The following BMPER variants were observed in gnomAD, a reference collection of about 807,000 sequenced individuals.
The protein encoded by BMPER is BMP-binding endothelial regulator protein.
BMPER carries 45 observed loss-of-function variants against 87.3 expected under a neutral mutation model. The ratio of observed to expected loss-of-function variants is 0.52; its 90% confidence interval spans 0.41 to 0.66. BMPER has a LOEUF of 0.66. BMPER is among the 30% of genes least tolerant of loss of function. The pLI, the probability that BMPER is intolerant of heterozygous loss-of-function variation, is 0.00. For synonymous variants in BMPER, 326 were observed against 316.2 expected, an observed-to-expected ratio of 1.03 and a Z score of -0.33; for missense variants, 784 against 867.5, an observed-to-expected ratio of 0.90 and a Z score of 1.21.
intron 14 of BMPER, among the ~76,000 whole-genome samples, chr7:34,146,037 A>G (rs1791007969): frequency 6.6e-6 from 1 of 152,094 alleles, no homozygotes; most frequent in Non-Finnish European, 1.5e-5. Context: ...TCTCTCTCAC[A>G]TATACACACA....
intron 6 of BMPER, among the ~76,000 whole-genome samples, chr7:33,985,397 CA>C (rs1461980339): frequency 1.3e-5 from 2 of 152,110 alleles, no homozygotes; most frequent in Non-Finnish European, 2.9e-5. Context: ...ACCATAATTT[CA>C]TCATTTTCAG....
At chr7:33,993,807 G>A (rs1434752371) in intron 6 of BMPER, among the ~76,000 whole-genome samples, 2 of 152,180 alleles carry the variant, frequency 1.3e-5, no homozygotes, top group East Asian at 1.9e-4. Context: ...TGGTATGGAT[G>A]TCCTTTCTGT....
At chr7:34,129,573 GGAAGGA>G (rs1290124281) in intron 13 of BMPER, among the ~76,000 whole-genome samples, 1 of 63,984 alleles carries the variant, frequency 1.6e-5, no homozygotes, top group Non-Finnish European at 2.8e-5. Context: ...AAGGAAGGAA[GGAAGGA>G]GAGAGAGAGA....
chr7:34,042,468 A>G (rs1005252104), intron 6 of BMPER, among the ~76,000 whole-genome samples: 1 of 152,232 alleles, frequency 6.6e-6, no homozygotes, highest in Non-Finnish European at 1.5e-5. Flanking sequence ...AACTGTGCTT[A>G]TAGGCATCCT....
chr7:34,054,100 CT>C (rs2127961403), intron 8 of BMPER, among the ~76,000 whole-genome samples: 1 of 152,310 alleles, frequency 6.6e-6, no homozygotes, highest in South Asian at 2.1e-4. Context: ...TTTGCTAGTT[CT>C]GTTTACCACA....
Position 33,907,894 on chromosome 7 carries a change from A to T in BMPER, c.219+991A>T, listed in dbSNP as rs947160114. Among the ~76,000 whole-genome samples the T allele has an allele frequency of 1.6e-4, 25 of 152,324 alleles. No individual in the cohort carries two copies. The East Asian group carries it at 4.8e-3, about 29-fold the overall frequency. ...AGCTATCTGAGTTTATACTACATAA[A>T]TTTTTTCATGACAAGAGTTGAGGTC... is the stretch of plus-strand genomic sequence containing the variant. On this transcript the variant is annotated intron_variant, in intron 2 of 14. Coordinates refer to ENST00000649409, the MANE Select transcript of BMPER (RefSeq NM_001365308.1).
At chr7:34,078,715 A>G in intron 11 of BMPER, 142 bp from the exon 12 acceptor site, 1 of 854,550 alleles carries the variant, frequency 1.2e-6, no homozygotes, top group Non-Finnish European at 1.9e-6. Context: ...CGAACCTTTA[A>G]AAACGACCAC....
chr7:34,153,597 T>A lies in BMPER; in HGVS notation c.*324T>A, dbSNP rs1791240561. Reference sequence around the variant, plus strand: ...GCAGATACATTGGATAGTGTTAACATCACATACATTTGTCATTTTTAAGGA... The same window carrying A: ...GCAGATACATTGGATAGTGTTAACAACACATACATTTGTCATTTTTAAGGA... On this transcript the variant is annotated 3_prime_UTR_variant, in exon 15 of 15. Transcript: ENST00000649409. 1 of 227,840 alleles carries A rather than the reference T, an allele frequency of 4.4e-6. No individual in the cohort carries two copies. Among genetic ancestry groups the A allele is most frequent in the African/African-American group, 2.3e-5 (1 of 43,796 alleles). 14.1% of individuals were successfully genotyped at this position (227,840 alleles called of 1,614,324 possible).
chr7:34,074,505 T>C lies in BMPER; in HGVS notation c.1079-4352T>C, dbSNP rs974879187. Among the ~76,000 whole-genome samples, 11 of 152,220 alleles carry C rather than the reference T, an allele frequency of 7.2e-5. No homozygotes were observed. The East Asian group carries it at 2.1e-3, about 29-fold the overall frequency. ...GCCTTTCCTGATTCTTCACTCAAGC[T>C]TGGCATCATCACGACGCTTACCTTT... On this transcript the variant is annotated intron_variant, in intron 11 of 14. Coordinates refer to ENST00000649409, the MANE Select transcript of BMPER (RefSeq NM_001365308.1).
intron 2 of BMPER, among the ~76,000 whole-genome samples, chr7:33,919,849 G>A (rs1784171166): frequency 6.6e-6 from 1 of 152,118 alleles, no homozygotes. Flanking sequence ...CTCTTGTTTG[G>A]AATATTCGAT....
intron 12 of BMPER, 126 bp downstream of exon 12, chr7:34,079,312 G>A: frequency 8.0e-7 from 1 of 1,248,766 alleles, no homozygotes; most frequent in South Asian, 1.4e-5. Flanking sequence ...GGCAGAGCCA[G>A]GTTCCAACTG....
chr7:34,129,610 A>AGAGAGAGAGAGAG (rs1790507400), intron 13 of BMPER, among the ~76,000 whole-genome samples: 9 of 69,654 alleles, frequency 1.3e-4, no homozygotes, highest in Middle Eastern at 7.4e-3. Context: ...GAGAGAGAGA[A>AGAGAGAGAGAGAG]AGAGAGAGAG....
rs567420593 is a variant in BMPER, at chr7:34,005,454, T to C, written c.576+30670T>C. ...TGTTGACTTTTTACATTTTTTTTAA[T>C]TTTTATTTTTAGAGATGATGTCTCA... On this transcript the variant is annotated intron_variant, in intron 6 of 14. Coordinates refer to ENST00000649409, the MANE Select transcript of BMPER (RefSeq NM_001365308.1). 4.6e-5 allele frequency among the ~76,000 whole-genome samples: 7 copies of C among 152,096 alleles called. No homozygotes were observed. The East Asian group carries it at 1.4e-3, about 29-fold the overall frequency.
intron 4 of BMPER, among the ~76,000 whole-genome samples, chr7:33,967,889 T>G (rs923569053): frequency 6.6e-6 from 1 of 152,226 alleles, no homozygotes; most frequent in African/African-American, 2.4e-5. Flanking sequence ...TGAAGTTCCT[T>G]AAGTTGCATG....
At chr7:33,927,345 A>G (rs1432146605) in intron 2 of BMPER, among the ~76,000 whole-genome samples, 1 of 152,208 alleles carries the variant, frequency 6.6e-6, no homozygotes, top group Admixed American at 6.5e-5. Flanking sequence ...GGAAGGAGAC[A>G]TGCGCTGATG....
chr7:34,058,113 A>G lies in BMPER; in HGVS notation c.982A>G (p.Arg328Gly). 3 of 1,614,166 alleles carry G rather than the reference A, an allele frequency of 1.9e-6. No individual in the cohort carries two copies. Among genetic ancestry groups the G allele is most frequent in the East Asian group, 2.2e-5 (1 of 44,886 alleles). ...NCTICACVKG[R>G]TECRNKQCIP... Reference sequence around the variant, plus strand: ...TACCATCTGTGCTTGTGTGAAAGGCAGGACGGAGTGTCGCAATAAGCAGTG... The same window carrying G: ...TACCATCTGTGCTTGTGTGAAAGGCGGGACGGAGTGTCGCAATAAGCAGTG... The change falls in exon 10 of 15, where the codon AGG becomes GGG. Residue 328 changes from arginine (R) to glycine (G), a missense_variant. Arg to Gly is a moderately radical substitution (Grantham distance 125). Transcript: ENST00000649409.
chr7:33,931,785 G>A (rs1377591629), intron 2 of BMPER, among the ~76,000 whole-genome samples: 2 of 152,176 alleles, frequency 1.3e-5, no homozygotes, highest in African/African-American at 4.8e-5. Flanking sequence ...GAGCCATCTT[G>A]AGACTCTCCA....
intron 6 of BMPER, among the ~76,000 whole-genome samples, chr7:34,004,440 CG>C (rs1015695730): frequency 4.6e-5 from 7 of 151,918 alleles, no homozygotes; most frequent in African/African-American, 1.5e-4. Flanking sequence ...AATAAACTTC[CG>C]TGTTTTTTTG....
chr7:34,077,936 G>T (rs1788908585), intron 11 of BMPER, among the ~76,000 whole-genome samples: 2 of 151,020 alleles, frequency 1.3e-5, no homozygotes, highest in African/African-American at 2.4e-5. Context: ...TAATTATTTG[G>T]GCTACTATCT....
Sources: allele counts gnomAD v4.1 joint callset (sites outside exome capture counted in the v4.1 genomes callset), GRCh38; gene constraint gnomAD v4.1.1; transcripts MANE v1.5; gene names NCBI Gene and HGNC (gene_info 2026-07-23, HGNC 2026-07-21).